The following NKAIN2 variants were observed in gnomAD, a reference collection of about 807,000 sequenced individuals.
The protein encoded by NKAIN2 is sodium/potassium-transporting ATPase subunit beta-1-interacting protein 2.
NKAIN2 carries 14 observed loss-of-function variants against 32.6 expected under a neutral mutation model. The ratio of observed to expected loss-of-function variants is 0.43; its 90% CI spans 0.28 to 0.67. The LOEUF is 0.67. Among genes scored for constraint, NKAIN2 ranks in the 30% least tolerant of loss-of-function variants. The pLI is 0.17. For missense variants in NKAIN2, 198 were observed against 258.3 expected (o/e 0.77, Z 1.60); for synonymous variants, 80 against 87.2 (o/e 0.92, Z 0.46).
intron 1 of NKAIN2, among the ~76,000 whole-genome samples, chr6:124,122,300 A>G (rs2114990748): frequency 6.6e-6 from 1 of 152,226 alleles, no homozygotes; most frequent in South Asian, 2.1e-4. Context: ...TAAAATGAAC[A>G]TTGTGAACAT....
intron 1 of NKAIN2, among the ~76,000 whole-genome samples, chr6:123,870,925 T>C (rs1582686789): frequency 6.6e-6 from 1 of 152,130 alleles, no homozygotes; most frequent in African/African-American, 2.4e-5. Flanking sequence ...TATAATCTCC[T>C]CTCTACTCCC....
intron 3 of NKAIN2, among the ~76,000 whole-genome samples, chr6:124,399,894 T>C (rs1773554534): frequency 6.6e-6 from 1 of 152,218 alleles, no homozygotes; most frequent in African/African-American, 2.4e-5. Flanking sequence ...CATTTATTTA[T>C]GCTTTTACTA....
At chr6:124,120,585 C>A (rs1185323347) in intron 1 of NKAIN2, among the ~76,000 whole-genome samples, 1 of 152,140 alleles carries the variant, frequency 6.6e-6, no homozygotes, top group African/African-American at 2.4e-5. Context: ...CAACTAAAGT[C>A]TTTTACCCTT....
chr6:124,818,545 T>C (rs1781269560), intron 6 of NKAIN2, 77 bp downstream of exon 6: 1 of 600,178 alleles, frequency 1.7e-6, no homozygotes. Context: ...ACAAAATTGA[T>C]GGCATGCAGC....
chr6:124,491,273 G>A (rs769810553), intron 3 of NKAIN2, among the ~76,000 whole-genome samples: 1 of 151,850 alleles, frequency 6.6e-6, no homozygotes, highest in Non-Finnish European at 1.5e-5. Context: ...GAACCTGTTA[G>A]TATGACTCCG....
chr6:124,718,186 A>G (rs933933180), intron 4 of NKAIN2, among the ~76,000 whole-genome samples: 2 of 152,086 alleles, frequency 1.3e-5, no homozygotes, highest in African/African-American at 4.8e-5. Context: ...AGTTTAGAAC[A>G]TTTTTATTAC....
intron 1 of NKAIN2, among the ~76,000 whole-genome samples, chr6:124,077,663 C>T (rs981853689): frequency 1.3e-5 from 2 of 151,366 alleles, no homozygotes; most frequent in African/African-American, 4.9e-5. Flanking sequence ...AGTCTGCAAA[C>T]ATGGCTTACT....
intron 1 of NKAIN2, among the ~76,000 whole-genome samples, chr6:123,926,646 TC>T (rs1164664846): frequency 3.9e-5 from 6 of 152,188 alleles, no homozygotes; most frequent in African/African-American, 1.4e-4. Flanking sequence ...TAAGTTTTGC[TC>T]CCCCTCATCT....
intron 4 of NKAIN2, among the ~76,000 whole-genome samples, chr6:124,786,933 T>C (rs1025104620): frequency 3.3e-5 from 5 of 152,118 alleles, no homozygotes; most frequent in Admixed American, 6.6e-5. Context: ...TTACTTCCCT[T>C]TATACAGCCC....
At chr6:124,758,487 G>C (rs1444718302) in intron 4 of NKAIN2, among the ~76,000 whole-genome samples, 5 of 152,092 alleles carry the variant, frequency 3.3e-5, no homozygotes, top group Non-Finnish European at 7.4e-5. Context: ...GCGTAACTGT[G>C]AGAAATAAGT....
intron 1 of NKAIN2, among the ~76,000 whole-genome samples, chr6:123,860,276 T>G (rs1399232006): frequency 6.6e-6 from 1 of 152,076 alleles, no homozygotes; most frequent in Non-Finnish European, 1.5e-5. Context: ...CTCCTGCCAA[T>G]TTTTTGTTAA....
At chr6:124,039,835 G>C (rs1287896663) in intron 1 of NKAIN2, among the ~76,000 whole-genome samples, 1 of 151,674 alleles carries the variant, frequency 6.6e-6, no homozygotes, top group African/African-American at 2.4e-5. Flanking sequence ...TCTATTGACT[G>C]GTTGCGGTGA....
At chr6:124,115,010 G>T (rs574216059) in intron 1 of NKAIN2, among the ~76,000 whole-genome samples, 22 of 152,130 alleles carry the variant, frequency 1.4e-4, no homozygotes, top group African/African-American at 5.1e-4. Flanking sequence ...TATGCAATTG[G>T]AAAAGCTTTT....
chr6:124,008,168 G>A (rs1510295), intron 1 of NKAIN2, among the ~76,000 whole-genome samples: 133,213 of 152,200 alleles, frequency 0.88, 58,503 homozygotes, highest in East Asian at 0.98. Context: ...TGAGCTCTCC[G>A]ATCGCGCTGC....
At chr6:124,089,451 A>G (rs1399549936) in intron 1 of NKAIN2, among the ~76,000 whole-genome samples, 1 of 151,838 alleles carries the variant, frequency 6.6e-6, no homozygotes, top group African/African-American at 2.4e-5. Context: ...TTGATTTTGT[A>G]AACCTTGCTA....
chr6:124,351,043 G>T (rs1485791439), intron 2 of NKAIN2, among the ~76,000 whole-genome samples: 1 of 152,012 alleles, frequency 6.6e-6, no homozygotes, highest in African/African-American at 2.4e-5. Flanking sequence ...CATAAAACAA[G>T]ACATAGAAAA....
intron 1 of NKAIN2, among the ~76,000 whole-genome samples, chr6:124,002,288 T>A (rs2114714864): frequency 6.6e-6 from 1 of 152,176 alleles, no homozygotes; most frequent in African/African-American, 2.4e-5. Flanking sequence ...GGGAAAACAT[T>A]AAAAATGGTA....
intron 4 of NKAIN2, among the ~76,000 whole-genome samples, chr6:124,704,049 G>A (rs927993282): frequency 1.3e-5 from 2 of 151,874 alleles, no homozygotes; most frequent in Admixed American, 1.3e-4. Flanking sequence ...TACCAAAATG[G>A]GAGTTCTGGA....
intron 1 of NKAIN2, among the ~76,000 whole-genome samples, chr6:123,944,983 A>T (rs572094135): frequency 6.6e-6 from 1 of 152,160 alleles, no homozygotes; most frequent in East Asian, 1.9e-4. Flanking sequence ...ACATATGTAG[A>T]TTTTATGTAT....
Sources: gnomAD v4.1 joint callset for allele counts (sites outside exome capture counted in the v4.1 genomes callset) on GRCh38, gnomAD v4.1.1 for gene constraint, MANE v1.5 for transcripts, NCBI Gene and HGNC (gene_info 2026-07-23, HGNC 2026-07-21) for gene names.